Variants in ADARB2 observed in about 807,000 individuals in gnomAD.
The protein encoded by ADARB2 is adenosine deaminase RNA specific B2 (inactive), also known as inactive double-stranded RNA-specific editase B2.
Under a neutral mutation model 62.2 loss-of-function variants are expected in ADARB2, and 25 were observed. The observed-to-expected ratio is 0.40, with a 90% CI of 0.29 to 0.56. The LOEUF (loss-of-function observed/expected upper bound fraction) is 0.56. Among genes scored for constraint, ADARB2 ranks in the 20% least tolerant of loss-of-function variants. ADARB2 has a pLI of 0.43. For synonymous variants in ADARB2, 572 were observed against 500.8 expected (o/e 1.14, Z -1.90); for missense variants, 1,071 against 1,077.4 (o/e 0.99, Z 0.08).
chr10:1,596,468 C>T (rs754687940), intron 1 of ADARB2, among the ~76,000 whole-genome samples: 5 of 152,138 alleles, frequency 3.3e-5, no homozygotes, highest in African/African-American at 4.8e-5. Flanking sequence ...AGTCCGGCAC[C>T]GGGAGAGAAA....
At chr10:1,337,542 C>T (rs763635715) in intron 3 of ADARB2, among the ~76,000 whole-genome samples, 4 of 152,152 alleles carry the variant, frequency 2.6e-5, no homozygotes, top group Non-Finnish European at 5.9e-5. Context: ...CTCAGCAGAC[C>T]GAGAAAGTGT....
intron 1 of ADARB2, among the ~76,000 whole-genome samples, chr10:1,727,662 T>C (rs530053248): frequency 1.3e-4 from 20 of 152,306 alleles, no homozygotes; most frequent in Admixed American, 3.3e-4. Context: ...AGAAATCTAT[T>C]TTTGTAAGCC....
intron 1 of ADARB2, among the ~76,000 whole-genome samples, chr10:1,541,370 C>T (rs201350751): frequency 3.9e-3 from 21 of 5,422 alleles, no homozygotes; most frequent in Non-Finnish European, 5.9e-3. Flanking sequence ...ATCACAGCCG[C>T]CCAGACCCCA....
intron 1 of ADARB2, among the ~76,000 whole-genome samples, chr10:1,647,888 T>G (rs1277355581): frequency 3.3e-5 from 5 of 152,056 alleles, no homozygotes; most frequent in African/African-American, 4.8e-5. Flanking sequence ...TGTCTATATA[T>G]GTATGTGTGT....
chr10:1,590,649 C>G (rs1833239947), intron 1 of ADARB2, among the ~76,000 whole-genome samples: 1 of 152,144 alleles, frequency 6.6e-6, no homozygotes, highest in African/African-American at 2.4e-5. Context: ...AGATTTGCAG[C>G]AGTCTTTTCA....
intron 1 of ADARB2, among the ~76,000 whole-genome samples, chr10:1,527,570 A>G (rs1156637397): frequency 2.0e-5 from 3 of 152,254 alleles, no homozygotes; most frequent in African/African-American, 7.2e-5. Flanking sequence ...GACTTGCTAT[A>G]CATAACAGGA....
At chr10:1,204,929 C>G (rs1363599814) in intron 7 of ADARB2, among the ~76,000 whole-genome samples, 1 of 152,250 alleles carries the variant, frequency 6.6e-6, no homozygotes, top group African/African-American at 2.4e-5. Context: ...CCCCACCCAA[C>G]AGGCATTTCC....
At chr10:1,371,932 C>T (rs1832376416) in intron 2 of ADARB2, among the ~76,000 whole-genome samples, 1 of 152,116 alleles carries the variant, frequency 6.6e-6, no homozygotes, top group African/African-American at 2.4e-5. Context: ...AATAGAACCA[C>T]CATTTGACCC....
intron 1 of ADARB2, among the ~76,000 whole-genome samples, chr10:1,694,469 A>T (rs1403435351): frequency 4.6e-5 from 7 of 152,140 alleles, no homozygotes; most frequent in Non-Finnish European, 2.9e-5. Flanking sequence ...ATTGAACACA[A>T]ATCAGGGCTT....
intron 1 of ADARB2, among the ~76,000 whole-genome samples, chr10:1,711,963 C>G (rs1464245845): frequency 1.3e-5 from 2 of 152,202 alleles, no homozygotes; most frequent in African/African-American, 4.8e-5. Context: ...GACAAATTCT[C>G]TGGGTAGCTT....
chr10:1,244,582 G>C (rs980933453), intron 4 of ADARB2, among the ~76,000 whole-genome samples: 1 of 152,216 alleles, frequency 6.6e-6, no homozygotes, highest in Non-Finnish European at 1.5e-5. Flanking sequence ...TGCATATTCA[G>C]TTTTCATGAT....
At chr10:1,445,784 C>G (rs906164074) in intron 1 of ADARB2, among the ~76,000 whole-genome samples, 6 of 152,184 alleles carry the variant, frequency 3.9e-5, no homozygotes, top group African/African-American at 9.7e-5. Context: ...AGGGAATGAG[C>G]TAATGGGCTA....
chr10:1,442,402 G>A (rs1830917482), intron 1 of ADARB2, among the ~76,000 whole-genome samples: 1 of 152,182 alleles, frequency 6.6e-6, no homozygotes, highest in Non-Finnish European at 1.5e-5. Flanking sequence ...GTTAGTATAT[G>A]TTAATGTTTC....
rs77531887 is a variant in ADARB2, at chr10:1,716,015, G to T, written c.100+21036C>A. Reference sequence around the variant, plus strand: ...GCTGCTGTATGCACACTCCCCTCCCGCCCGCTGAGTCAGTGTGCCCTGCGC... The same window carrying T: ...GCTGCTGTATGCACACTCCCCTCCCTCCCGCTGAGTCAGTGTGCCCTGCGC... On this transcript the variant is annotated intron_variant, in intron 1 of 9. Transcript: ENST00000381312. Among the ~76,000 whole-genome samples the T allele has an allele frequency of 3.9e-5, 6 of 151,926 alleles. No individual in the cohort carries two copies. The East Asian group carries it at 9.7e-4, about 24-fold the overall frequency.
intron 1 of ADARB2, among the ~76,000 whole-genome samples, chr10:1,526,176 A>G (rs550457068): frequency 6.6e-6 from 1 of 151,956 alleles, no homozygotes; most frequent in Admixed American, 6.5e-5. Flanking sequence ...TGGGATTTGG[A>G]AAGGACACAG....
intron 3 of ADARB2, among the ~76,000 whole-genome samples, chr10:1,287,124 ACTCT>A (rs1306295626): frequency 2.0e-5 from 3 of 151,922 alleles, no homozygotes; most frequent in Non-Finnish European, 4.4e-5. Context: ...GTCTTGGCTA[ACTCT>A]CTGACTTTGC....
At chr10:1,679,161 GGA>G (rs1834505485) in intron 1 of ADARB2, among the ~76,000 whole-genome samples, 1 of 152,160 alleles carries the variant, frequency 6.6e-6, no homozygotes, top group South Asian at 2.1e-4. Flanking sequence ...ACCCAGCTGT[GGA>G]GAGAGAAAAG....
intron 1 of ADARB2, among the ~76,000 whole-genome samples, chr10:1,723,108 G>A (rs566951255): frequency 1.3e-5 from 2 of 152,178 alleles, no homozygotes; most frequent in Non-Finnish European, 2.9e-5. Context: ...CCCTGGAAAC[G>A]GGAGCGCATG....
chr10:1,521,650 C>G (rs1287892722), intron 1 of ADARB2, among the ~76,000 whole-genome samples: 1 of 152,230 alleles, frequency 6.6e-6, no homozygotes, highest in African/African-American at 2.4e-5. Flanking sequence ...AAACTTCGAT[C>G]TCCACCAACT....
Sources: gnomAD v4.1 joint callset for allele counts (sites outside exome capture counted in the v4.1 genomes callset) on GRCh38, gnomAD v4.1.1 for gene constraint, MANE v1.5 for transcripts, NCBI Gene and HGNC (gene_info 2026-07-23, HGNC 2026-07-21) for gene names.